The following CNTNAP2 variants were observed in gnomAD, a reference collection of about 807,000 sequenced individuals.
CNTNAP2 encodes contactin-associated protein-like 2.
In CNTNAP2, 98 loss-of-function variants were observed where a neutral mutation model predicts 155.2. That is an observed-to-expected ratio of 0.63 (90% CI 0.54 to 0.75). CNTNAP2 has a LOEUF of 0.75. CNTNAP2 is among the 30% of genes least tolerant of loss of function. The pLI is 0.00. For missense variants in CNTNAP2, 1,727 were observed against 1,688.1 expected (o/e 1.02, Z -0.40); for synonymous variants, 651 against 631.2 (o/e 1.03, Z -0.47).
At chr7:148,013,496 A>G (rs1196540529) in intron 15 of CNTNAP2, among the ~76,000 whole-genome samples, 2 of 152,244 alleles carry the variant, frequency 1.3e-5, no homozygotes, top group East Asian at 1.9e-4. Context: ...ACCCAGCAGA[A>G]GAAAAGAGTT....
chr7:147,294,228 G>T (rs56079826), intron 8 of CNTNAP2, among the ~76,000 whole-genome samples: 1 of 152,128 alleles, frequency 6.6e-6, no homozygotes, highest in Non-Finnish European at 1.5e-5. Context: ...CACATAAACT[G>T]TCAAGGCCTA....
At chr7:146,721,889 A>ATATATATATTTTT in intron 1 of CNTNAP2, among the ~76,000 whole-genome samples, 2 of 69,708 alleles carry the variant, frequency 2.9e-5, no homozygotes, top group African/African-American at 3.8e-4. Flanking sequence ...ATATATATAT[A>ATATATATATTTTT]TTTTTTTTTT....
At chr7:147,121,261 T>A (rs2129282784) in intron 6 of CNTNAP2, 98 bp downstream of exon 6, 2 of 1,170,450 alleles carry the variant, frequency 1.7e-6, no homozygotes, top group Non-Finnish European at 2.4e-6. Context: ...TACTTACACC[T>A]TTTTTATTTT....
At chr7:147,160,365 C>T (rs1203666899) in intron 8 of CNTNAP2, among the ~76,000 whole-genome samples, 1 of 152,048 alleles carries the variant, frequency 6.6e-6, no homozygotes, top group Non-Finnish European at 1.5e-5. Context: ...CCCCAGTTAA[C>T]CTCTGGCTCA....
At chr7:147,795,812 T>A (rs1017132042) in intron 13 of CNTNAP2, among the ~76,000 whole-genome samples, 1 of 152,162 alleles carries the variant, frequency 6.6e-6, no homozygotes, top group African/African-American at 2.4e-5. Context: ...ACATATAAAA[T>A]GAGAGGGTTG....
At chr7:147,364,634 G>A (rs13247402) in intron 9 of CNTNAP2, among the ~76,000 whole-genome samples, 1 of 151,988 alleles carries the variant, frequency 6.6e-6, no homozygotes, top group African/African-American at 2.4e-5. Flanking sequence ...CGGATCACAA[G>A]GTCAGGAGAT....
intron 21 of CNTNAP2, among the ~76,000 whole-genome samples, chr7:148,367,635 C>T (rs1033340160): frequency 6.6e-6 from 1 of 152,080 alleles, no homozygotes; most frequent in African/African-American, 2.4e-5. Flanking sequence ...AGAACTAGAT[C>T]TCTTGTTATC....
chr7:146,575,612 ACTTTT>A (rs1220181806), intron 1 of CNTNAP2, among the ~76,000 whole-genome samples: 1 of 152,188 alleles, frequency 6.6e-6, no homozygotes, highest in Non-Finnish European at 1.5e-5. Flanking sequence ...AGGAGTGGTG[ACTTTT>A]CTTTGAGGGA....
At chr7:147,314,357 T>G (rs1795187083) in intron 9 of CNTNAP2, among the ~76,000 whole-genome samples, 1 of 152,104 alleles carries the variant, frequency 6.6e-6, no homozygotes, top group Admixed American at 6.5e-5. Context: ...ACTTTTCCAA[T>G]CAAAAAAATC....
intron 10 of CNTNAP2, among the ~76,000 whole-genome samples, chr7:147,471,604 TA>T (rs1258003444): frequency 1.3e-5 from 2 of 152,174 alleles, no homozygotes; most frequent in Admixed American, 6.5e-5. Context: ...CAAAATATTT[TA>T]AAAAAAGAAA....
At chr7:146,769,839 A>C (rs1363603801) in intron 1 of CNTNAP2, among the ~76,000 whole-genome samples, 2 of 152,124 alleles carry the variant, frequency 1.3e-5, no homozygotes, top group Non-Finnish European at 2.9e-5. Flanking sequence ...TAAATGCATG[A>C]TGTGTAACTG....
At chr7:147,437,254 G>T (rs1003310127) in intron 10 of CNTNAP2, among the ~76,000 whole-genome samples, 1 of 152,106 alleles carries the variant, frequency 6.6e-6, no homozygotes, top group South Asian at 2.1e-4. Flanking sequence ...AAATTGGAAA[G>T]TATGTAGTTT....
At chr7:147,125,583 T>C (rs544375751) in intron 6 of CNTNAP2, among the ~76,000 whole-genome samples, 1 of 152,344 alleles carries the variant, frequency 6.6e-6, no homozygotes, top group African/African-American at 2.4e-5. Flanking sequence ...ATTATGCTGT[T>C]GTCTTTTGCA....
intron 13 of CNTNAP2, among the ~76,000 whole-genome samples, chr7:147,789,735 G>C (rs909933644): frequency 1.3e-5 from 2 of 152,186 alleles, no homozygotes; most frequent in Non-Finnish European, 2.9e-5. Context: ...GGAGGTGGAA[G>C]GTGTTGACTT....
At chr7:146,529,758 A>G (rs1393505730) in intron 1 of CNTNAP2, among the ~76,000 whole-genome samples, 1 of 152,030 alleles carries the variant, frequency 6.6e-6, no homozygotes, top group African/African-American at 2.4e-5. Flanking sequence ...CGAGATCAAG[A>G]GATTGAGACC....
At chr7:148,214,396 C>T (rs149272683) in intron 18 of CNTNAP2, among the ~76,000 whole-genome samples, 1 of 152,264 alleles carries the variant, frequency 6.6e-6, no homozygotes, top group African/African-American at 2.4e-5. Flanking sequence ...TGATGCGTCT[C>T]CTCCCACAAC....
rs1299075338 is a variant in CNTNAP2 at position 147,601,644 on chromosome 7, A to AAATAT, written c.1898-37461_1898-37460insATATA. On this transcript the variant is annotated intron_variant, in intron 12 of 23. Transcript: ENST00000361727. Reference sequence around the variant, plus strand: ...TTAAAGACATTGACTCTTAAAAAAAAATATATATATATATATATATATATA... The same window carrying AAATAT: ...TTAAAGACATTGACTCTTAAAAAAAAAATATATATATATATATATATATATATATA... Among the ~76,000 whole-genome samples the AAATAT allele has an allele frequency of 9.7e-3, 842 of 87,242 alleles. 8 individuals are homozygous for AAATAT. The highest frequency in any genetic ancestry group is 0.029 in the African/African-American group (676 of 23,214). 57.2% of individuals were successfully genotyped at this position (87,242 alleles called of 152,430 possible). A position where few individuals can be genotyped will look rare whatever the true frequency, so the allele number is the denominator to read the frequency against.
chr7:146,579,529 G>A (rs889334365), intron 1 of CNTNAP2, among the ~76,000 whole-genome samples: 3 of 152,030 alleles, frequency 2.0e-5, no homozygotes, highest in African/African-American at 4.8e-5. Flanking sequence ...AGAAAGCTCC[G>A]TAAATTGAAC....
intron 1 of CNTNAP2, among the ~76,000 whole-genome samples, chr7:146,592,798 A>G (rs999408587): frequency 2.0e-5 from 3 of 152,152 alleles, no homozygotes; most frequent in Non-Finnish European, 4.4e-5. Flanking sequence ...ACCCACAGCC[A>G]GTGAATGAAA....
Sources: gnomAD v4.1 joint callset for allele counts (sites outside exome capture counted in the v4.1 genomes callset) on GRCh38, gnomAD v4.1.1 for gene constraint, MANE v1.5 for transcripts, NCBI Gene and HGNC (gene_info 2026-07-23, HGNC 2026-07-21) for gene names.